Variants in ZC3H12B observed in about 807,000 individuals in gnomAD.
ZC3H12B encodes the protein zinc finger CCCH-type containing 12B.
Under a neutral mutation model 43.9 loss-of-function variants are expected in ZC3H12B, and 7 were observed. The observed-to-expected ratio is 0.16, with a 90% CI of 0.09 to 0.30. The LOEUF (loss-of-function observed/expected upper bound fraction) is 0.30. Ranked by LOEUF, ZC3H12B falls within the 10% of genes least tolerant of loss-of-function variation. ZC3H12B has a pLI of 1.00. For missense variants in ZC3H12B, 475 were observed against 670.2 expected, an observed-to-expected ratio of 0.71 and a Z score of 3.22; for synonymous variants, 222 against 241.7, an observed-to-expected ratio of 0.92 and a Z score of 0.76.
chrX:65,116,793 C>A, the ZC3H12B span, among the ~76,000 whole-genome samples: 1 of 110,322 alleles, frequency 9.1e-6, no homozygotes, highest in South Asian at 3.9e-4. Flanking sequence ...TCAATTCCAA[C>A]CTATGGGAAC....
At chrX:65,178,142 G>A in the ZC3H12B span, among the ~76,000 whole-genome samples, 1 of 112,004 alleles carries the variant, frequency 8.9e-6, no homozygotes, top group Non-Finnish European at 1.9e-5. Context: ...TGACAAACCT[G>A]AGAAACACAA....
At chrX:65,206,315 A>G in the ZC3H12B span, among the ~76,000 whole-genome samples, 1 of 112,110 alleles carries the variant, frequency 8.9e-6, no homozygotes, top group Non-Finnish European at 1.9e-5. Context: ...AAAAATAGGC[A>G]CATAAAACAA....
At chrX:65,212,809 A>G in the ZC3H12B span, among the ~76,000 whole-genome samples, 1 of 102,956 alleles carries the variant, frequency 9.7e-6, no homozygotes, top group Admixed American at 1.2e-4. Flanking sequence ...CATCGACTAT[A>G]TCTGGTTTGC....
At chrX:65,188,561 T>C in the ZC3H12B span, among the ~76,000 whole-genome samples, 5 of 110,947 alleles carry the variant, frequency 4.5e-5, no homozygotes, top group Non-Finnish European at 9.4e-5. Context: ...ATTTCTTTGA[T>C]GATCAATGAT....
the ZC3H12B span, among the ~76,000 whole-genome samples, chrX:65,160,051 A>C: frequency 8.9e-6 from 1 of 112,059 alleles, no homozygotes; most frequent in Non-Finnish European, 1.9e-5. Flanking sequence ...TTCGGATTAT[A>C]TGTTGGATTA....
At chrX:65,328,514 T>G in the ZC3H12B span, 1 of 219,262 alleles carries the variant, frequency 4.6e-6, no homozygotes, top group South Asian at 6.9e-5. Flanking sequence ...AAATGTTTCC[T>G]CATTTTCTTT....
chrX:65,502,787 G>A lies in ZC3H12B; in HGVS notation c.2089G>A (p.Val697Met), dbSNP rs778796872. The change falls in exon 5 of 5, where the codon GTG becomes ATG. Residue 697 changes from valine (V) to methionine (M), a missense_variant. Coordinates refer to ENST00000338957, the Ensembl canonical transcript of ZC3H12B. ...AACCCCCCAGCCAGGCCGTGCCCTG[G>A]TGATGACTCGGATGGATAGCATTTC... The A allele has an allele frequency of 9.1e-6, 11 of 1,206,560 alleles. No individual in the cohort carries two copies. The East Asian group carries it at 3.3e-4, about 36-fold the overall frequency.
chrX:65,452,728 C>A (rs1240043042), intron 3 of ZC3H12B, among the ~76,000 whole-genome samples: 3 of 110,228 alleles, frequency 2.7e-5, no homozygotes, highest in Non-Finnish European at 3.8e-5. Flanking sequence ...GTAATCCCAG[C>A]TGCTCGGGAG....
the ZC3H12B span, among the ~76,000 whole-genome samples, chrX:65,061,137 T>C: frequency 1.8e-5 from 2 of 111,881 alleles, no homozygotes; most frequent in African/African-American, 6.5e-5. Flanking sequence ...TGTTTTTTTA[T>C]TTTTATTCTT....
the ZC3H12B span, among the ~76,000 whole-genome samples, chrX:65,058,129 C>G: frequency 2.7e-5 from 3 of 112,303 alleles, no homozygotes; most frequent in Non-Finnish European, 5.6e-5. Flanking sequence ...TAGTGAGGAG[C>G]TGCATTCCTT....
chrX:65,232,652 T>C, the ZC3H12B span, among the ~76,000 whole-genome samples: 3 of 111,545 alleles, frequency 2.7e-5, no homozygotes, highest in African/African-American at 9.8e-5. Flanking sequence ...AAATCACTTA[T>C]ACATAAAGGA....
rs2068078501 is a variant in ZC3H12B at position 65,482,707 on chromosome X, G to C, written n.408-5939G>C. The stretch of plus-strand genomic sequence containing the variant: ...ACATTTAACAATGTGGTTTTAATTA[G>C]TTTGGACAACAGAGTGTGTGTAGTA... On this transcript the variant is annotated intron_variant and non_coding_transcript_variant, in intron 3 of 5. Transcript: ENST00000617377. Among the ~76,000 whole-genome samples the C allele has an allele frequency of 4.5e-5, 5 of 112,039 alleles. No individual in the cohort carries two copies. The Admixed American group carries it at 4.8e-4, about 11-fold the overall frequency.
the ZC3H12B span, among the ~76,000 whole-genome samples, chrX:65,200,908 T>G: frequency 8.9e-6 from 1 of 111,889 alleles, no homozygotes; most frequent in South Asian, 3.7e-4. Flanking sequence ...TCGTGGTGGC[T>G]AAGCATTTTG....
chrX:65,310,795 C>A, the ZC3H12B span, among the ~76,000 whole-genome samples: 4 of 111,228 alleles, frequency 3.6e-5, no homozygotes, highest in South Asian at 3.8e-4. Context: ...GTACCAAAAC[C>A]AATATATAGA....
chrX:65,450,276 C>G (rs2067455170), intron 3 of ZC3H12B, among the ~76,000 whole-genome samples: 1 of 95,087 alleles, frequency 1.1e-5, no homozygotes, highest in Non-Finnish European at 2.1e-5. Flanking sequence ...TGCCTTCCAG[C>G]CTGGGCGACA....
the ZC3H12B span, among the ~76,000 whole-genome samples, chrX:65,153,361 T>C: frequency 2.7e-5 from 3 of 111,821 alleles, no homozygotes; most frequent in Non-Finnish European, 3.8e-5. Flanking sequence ...ATCCAGAATC[T>C]ACAATGAACT....
the ZC3H12B span, among the ~76,000 whole-genome samples, chrX:65,141,202 C>G: frequency 9.1e-6 from 1 of 110,423 alleles, no homozygotes; most frequent in African/African-American, 3.3e-5. Flanking sequence ...AAGCTTTTCT[C>G]TTAGAACCGT....
the ZC3H12B span, among the ~76,000 whole-genome samples, chrX:65,289,733 G>A: frequency 1.0e-4 from 11 of 110,116 alleles, no homozygotes; most frequent in South Asian, 3.4e-3. Context: ...ATTTGCATTA[G>A]GGAAAAGGAC....
At chrX:65,289,380 A>G in the ZC3H12B span, among the ~76,000 whole-genome samples, 1 of 109,863 alleles carries the variant, frequency 9.1e-6, no homozygotes. Context: ...TTGAACAACT[A>G]CCTATCAGAT....
Sources: allele counts gnomAD v4.1 joint callset (sites outside exome capture counted in the v4.1 genomes callset), GRCh38; gene constraint gnomAD v4.1.1; transcripts MANE v1.5; gene names NCBI Gene and HGNC (gene_info 2026-07-23, HGNC 2026-07-21).